SOX7: variants seen among roughly 807,000 people sequenced by gnomAD.
SOX7 encodes SRY-box transcription factor 7.
In SOX7, 19 loss-of-function variants were observed where a neutral mutation model predicts 24.9. The ratio of observed to expected loss-of-function variants is 0.76; its 90% CI spans 0.53 to 1.12. The LOEUF is 1.12. Among genes scored for constraint, SOX7 ranks in the 50% most tolerant of loss-of-function variants. The pLI, the probability that SOX7 is intolerant of heterozygous loss-of-function variation, is 0.00. For missense variants in SOX7, 702 were observed against 535.0 expected, an observed-to-expected ratio of 1.31 and a Z score of -3.08; for synonymous variants, 327 against 244.5, an observed-to-expected ratio of 1.34 and a Z score of -3.15.
rs768716869 is a variant in SOX7, at chr8:10,726,278, G to A, written c.627C>T (p.Pro209=). The part of the protein sequence containing the change: ...YGLPTPPEMS[P]LDVLEPEQTF... ...TCTGCTCCGGCTCCAGCACGTCCAG[G>A]GGAGACATTTCAGGAGGTGTGGGCA... The change falls in exon 2 of 2, where the codon CCC becomes CCT. Residue 209 remains proline (P), a synonymous_variant. Coordinates refer to ENST00000304501, the MANE Select transcript of SOX7 (RefSeq NM_031439.4). The A allele has an allele frequency of 6.2e-7, 1 of 1,613,882 alleles. No individual in the cohort carries two copies. The highest frequency in any genetic ancestry group is 1.1e-5 in the South Asian group (1 of 91,080).
At chr8:10,728,474 A>C (rs1460456735) in intron 1 of SOX7, among the ~76,000 whole-genome samples, 1 of 152,222 alleles carries the variant, frequency 6.6e-6, no homozygotes, top group African/African-American at 2.4e-5. Flanking sequence ...TAACAGGTGC[A>C]CAAGTCCATA....
chr8:10,730,410 G>A lies in SOX7; in HGVS notation c.24C>T (p.Tyr8=), dbSNP rs1800239382. Residue 8 remains tyrosine (Y), a synonymous_variant, in exon 1 of 2, where the codon TAC becomes TAT. Transcript: ENST00000304501. The surrounding 1 kb of genome is among the most constrained non-coding windows in gnomAD (Gnocchi z 4.8). MASLLGA[Y]PWPEGLECPA... is the part of the protein sequence containing the mutation. ...GGCACTCGAGACCCTCGGGCCAAGG[G>A]TAGGCTCCCAGCAGCGAAGCCATGG... 6.7e-7 allele frequency: 1 copy of A among 1,497,318 alleles called. No individual in the cohort carries two copies. Among genetic ancestry groups the A allele is most frequent in the East Asian group, 2.7e-5 (1 of 36,682 alleles). 92.8% of individuals were successfully genotyped at this position (1,497,318 alleles called of 1,614,324 possible).
Position 10,730,148 on chromosome 8 carries a change from C to A in SOX7, c.238+48G>T, listed in dbSNP as rs1008959720. 1.8e-5 allele frequency: 24 copies of A among 1,324,326 alleles called. No individual in the cohort carries two copies. Among genetic ancestry groups the A allele is most frequent in the Non-Finnish European group, 1.9e-5 (19 of 1,023,544 alleles). The allele number at this position is 1,324,326 out of a possible 1,614,324, so 82.0% of individuals were successfully genotyped here. A position where few individuals can be genotyped will look rare whatever the true frequency, so the allele number is the denominator to read the frequency against. On this transcript the variant is annotated intron_variant, in intron 1 of 1. Coordinates refer to ENST00000304501, the MANE Select transcript of SOX7 (RefSeq NM_031439.4). This position sits in a 1 kb window ranked among gnomAD's most constrained non-coding sequence, Gnocchi z 4.8. ...CCGCCCTGCAGTGCCGCCAGCCGCCCGCCGCCCGCCCCCGGCCCCCAGCCC... is the reference window on the plus strand; with the variant it reads ...CCGCCCTGCAGTGCCGCCAGCCGCCAGCCGCCCGCCCCCGGCCCCCAGCCC...
Position 10,729,163 on chromosome 8 carries a change from AG to A in SOX7, c.238+1032del, listed in dbSNP as rs1800211578. On this transcript the variant is annotated intron_variant, in intron 1 of 1. Coordinates refer to ENST00000304501, the MANE Select transcript of SOX7 (RefSeq NM_031439.4). Reference sequence around the variant, plus strand: ...GCCTGCGGCTTTAGCCAGCAGAAAGAGGGGCGTCAGTCCTATCCCCAAAGTT... The same window carrying A: ...GCCTGCGGCTTTAGCCAGCAGAAAGAGGGCGTCAGTCCTATCCCCAAAGTT... 2.0e-5 allele frequency among the ~76,000 whole-genome samples: 3 copies of A among 152,104 alleles called. No individual in the cohort carries two copies. In the South Asian group the frequency reaches 6.2e-4, roughly 32 times the overall value.
chr8:10,725,590 A>G lies in SOX7; in HGVS notation c.*148T>C, dbSNP rs1800128571. 3 of 774,598 alleles carry G rather than the reference A, an allele frequency of 3.9e-6. No individual in the cohort carries two copies. The highest frequency in any genetic ancestry group is 6.2e-6 in the Non-Finnish European group (3 of 481,744). 48.0% of individuals were successfully genotyped at this position (774,598 alleles called of 1,614,324 possible). On this transcript the variant is annotated 3_prime_UTR_variant, in exon 2 of 2. Coordinates refer to ENST00000304501, the MANE Select transcript of SOX7 (RefSeq NM_031439.4). ...GGCGGCACTCGGATAAGGAGAGTCC[A>G]GCTTAGGCCAAAGGCTCTGGGGCCG...
Position 10,730,327 on chromosome 8 carries a change from G to C in SOX7, c.107C>G (p.Pro36Arg). The C allele has an allele frequency of 1.9e-6, 3 of 1,566,046 alleles. No individual in the cohort carries two copies. Among genetic ancestry groups the C allele is most frequent in the East Asian group, 2.5e-5 (1 of 40,006 alleles). The change falls in exon 1 of 2, where the codon CCG (proline) becomes CGG (arginine). Residue 36 changes from proline (P) to arginine (R), a missense_variant. Physicochemically the swap from Pro to Arg is moderately radical, Grantham distance 103. Coordinates refer to ENST00000304501, the MANE Select transcript of SOX7 (RefSeq NM_031439.4). This position sits in a 1 kb window ranked among gnomAD's most constrained non-coding sequence, Gnocchi z 4.8. ...ACGGCTCTCGGAGCCCTTGTCCCCC[G>C]GGGGCCGGGGGACGGCCGGCGGCGA... is the stretch of plus-strand genomic sequence containing the variant. ...GQSPPAVPRP[P>R]GDKGSESRIR... is the part of the protein sequence containing the mutation.
In SOX7 at chr8:10,725,936, G is replaced by A; in HGVS notation, c.969C>T (p.Leu323=). ...ATTCATTGCGATCCATGTCCCCCAG[G>A]AGTTCCACCTGGCTCAGTTGATCCA... ...DALDQLSQVE[L]LGDMDRNEFD... The change falls in exon 2 of 2, where the codon CTC becomes CTT. Residue 323 remains leucine, a synonymous_variant. Transcript: ENST00000304501. 6.2e-7 allele frequency: 1 copy of A among 1,613,864 alleles called. No homozygotes were observed. The highest frequency in any genetic ancestry group is 8.5e-7 in the Non-Finnish European group (1 of 1,179,776).
rs374645556 is a variant in SOX7 at position 10,726,638 on chromosome 8, G to A, written c.267C>T (p.Ser89=). ...LGKSWKALTL[S]QKRPYVDEAE... is the part of the protein sequence containing the mutation. ...CCTCGTCCACGTACGGCCTCTTCTG[G>A]GACAGCGTCAGCGCCTTCCACGACT... Residue 89 remains serine, a synonymous_variant, in exon 2 of 2, where the codon TCC becomes TCT. Transcript: ENST00000304501. 8 of 1,591,086 alleles carry A rather than the reference G, an allele frequency of 5.0e-6. No individual in the cohort carries two copies. Among genetic ancestry groups the A allele is most frequent in the Non-Finnish European group, 6.8e-6 (8 of 1,172,170 alleles).
Position 10,724,842 on chromosome 8 carries a change from C to G in SOX7, c.*896G>C, listed in dbSNP as rs1285913546. 7 of 152,048 alleles carry G rather than the reference C, an allele frequency of 4.6e-5. No individual in the cohort carries two copies. The highest frequency in any genetic ancestry group is 4.6e-4 in the Admixed American group (7 of 15,276). The allele number at this position is 152,048 out of a possible 1,614,324, so 9.4% of individuals were successfully genotyped here. A position where few individuals can be genotyped will look rare whatever the true frequency, so the allele number is the denominator to read the frequency against. On this transcript the variant is annotated 3_prime_UTR_variant, in exon 2 of 2. Transcript: ENST00000304501. Reference sequence around the variant, plus strand: ...GGTTCAAGACATTCTCCTGCCTCAGCCTTCCAAGTAGCTGGGATTACAGGC... The same window carrying G: ...GGTTCAAGACATTCTCCTGCCTCAGGCTTCCAAGTAGCTGGGATTACAGGC...
chr8:10,724,720 C>CTTTTTTTTTT lies in SOX7; in HGVS notation c.*1008_*1017dup, dbSNP rs59167305. The CTTTTTTTTTT allele has an allele frequency of 7.2e-6, 1 of 138,746 alleles. No homozygotes were observed. The allele number at this position is 138,746 out of a possible 1,614,324, so 8.6% of individuals were successfully genotyped here. A position where few individuals can be genotyped will look rare whatever the true frequency, so the allele number is the denominator to read the frequency against. ...GGTATACATTCAGACTGTGCATATT[C>CTTTTTTTTTT]TTTTTTTTTTTTTTTTCTTGAAATG... On this transcript the variant is annotated 3_prime_UTR_variant, in exon 2 of 2. Coordinates refer to ENST00000304501, the MANE Select transcript of SOX7 (RefSeq NM_031439.4).
chr8:10,726,260 C>A lies in SOX7; in HGVS notation c.645G>T (p.Pro215=). ...PEMSPLDVLE[P]EQTFFSSPCQ... ...AGGGGGAGGAGAAGAAGGTCTGCTC[C>A]GGCTCCAGCACGTCCAGGGGAGACA... Residue 215 remains proline (P), a synonymous_variant, in exon 2 of 2, where the codon CCG becomes CCT. Coordinates refer to ENST00000304501, the MANE Select transcript of SOX7 (RefSeq NM_031439.4). The A allele has an allele frequency of 6.2e-7, 1 of 1,613,822 alleles. No homozygotes were observed. Among genetic ancestry groups the A allele is most frequent in the Non-Finnish European group, 8.5e-7 (1 of 1,179,956 alleles).
At position 10,730,326 on chromosome 8, in the gene SOX7, C is replaced by T; in HGVS notation, c.108G>A (p.Pro36=). The part of the protein sequence containing the change: ...GQSPPAVPRP[P]GDKGSESRIR... ...TACGGCTCTCGGAGCCCTTGTCCCC[C>T]GGGGGCCGGGGGACGGCCGGCGGCG... The change falls in exon 1 of 2, where the codon CCG becomes CCA. Residue 36 remains proline, a synonymous_variant. Coordinates refer to ENST00000304501, the MANE Select transcript of SOX7 (RefSeq NM_031439.4). This position sits in a 1 kb window ranked among gnomAD's most constrained non-coding sequence, Gnocchi z 4.8. The T allele has an allele frequency of 6.4e-7, 1 of 1,567,908 alleles. No individual in the cohort carries two copies. The highest frequency in any genetic ancestry group is 1.4e-5 in the African/African-American group (1 of 70,572).
Position 10,726,617 on chromosome 8 carries a change from G to A in SOX7, c.288C>T (p.Asp96=), listed in dbSNP as rs749823760. ...LTLSQKRPYV[D]EAERLRLQHM... is the part of the protein sequence containing the mutation. ...GCTGCAGGCGCAGCCGCTCCGCCTC[G>A]TCCACGTACGGCCTCTTCTGGGACA... The change falls in exon 2 of 2, where the codon GAC becomes GAT. Residue 96 remains aspartate, a synonymous_variant. Coordinates refer to ENST00000304501, the MANE Select transcript of SOX7 (RefSeq NM_031439.4). 1.2e-6 allele frequency: 2 copies of A among 1,604,246 alleles called. No individual in the cohort carries two copies. Among genetic ancestry groups the A allele is most frequent in the Non-Finnish European group, 1.7e-6 (2 of 1,178,392 alleles).
At position 10,726,572 on chromosome 8, in the gene SOX7, G is replaced by T. The variant is rs760872046; in HGVS notation, c.333C>A (p.Asn111Lys). Residue 111 changes from asparagine (N) to lysine (K), a missense_variant, in exon 2 of 2, where the codon AAC becomes AAA. By Grantham distance (94) the Asn-to-Lys change is moderately conservative. Coordinates refer to ENST00000304501, the MANE Select transcript of SOX7 (RefSeq NM_031439.4). ...TCTTCCTGCGCGGCCGGTACTTGTAGTTGGGGTAGTCCTGCATGTGCTGCA... is the reference window on the plus strand; with the variant it reads ...TCTTCCTGCGCGGCCGGTACTTGTATTTGGGGTAGTCCTGCATGTGCTGCA... Reference protein sequence around the residue: ...LRLQHMQDYPNYKYRPRRKKQ... With the variant: ...LRLQHMQDYPKYKYRPRRKKQ... 6 of 1,611,524 alleles carry T rather than the reference G, an allele frequency of 3.7e-6. No individual in the cohort carries two copies. In the South Asian group the frequency reaches 6.6e-5, roughly 18 times the overall value.
Position 10,725,860 on chromosome 8 carries a change from T to C in SOX7, c.1045A>G (p.Met349Val). 1.2e-6 allele frequency: 2 copies of C among 1,614,208 alleles called. No homozygotes were observed. Among genetic ancestry groups the C allele is most frequent in the South Asian group, 1.1e-5 (1 of 91,088 alleles). Residue 349 changes from methionine (M) to valine (V), a missense_variant, in exon 2 of 2, where the codon ATG becomes GTG. Met to Val is a conservative substitution (Grantham distance 21, BLOSUM62 1). Coordinates refer to ENST00000304501, the MANE Select transcript of SOX7 (RefSeq NM_031439.4). The stretch of plus-strand genomic sequence containing the variant: ...ACCGGAACATGCCCACTGAGGGCCA[T>C]GGCCCCTGTGGCGGAGTCTGGGTGG... ...PGHPDSATGA[M>V]ALSGHVPVSQ...
Position 10,725,551 on chromosome 8 carries a change from G to A in SOX7, c.*187C>T, listed in dbSNP as rs1800127763. 1.6e-6 allele frequency: 1 copy of A among 615,480 alleles called. No individual in the cohort carries two copies. Among genetic ancestry groups the A allele is most frequent in the Non-Finnish European group, 2.8e-6 (1 of 351,066 alleles). 38.1% of individuals were successfully genotyped at this position (615,480 alleles called of 1,614,324 possible). A position where few individuals can be genotyped will look rare whatever the true frequency, so the allele number is the denominator to read the frequency against. On this transcript the variant is annotated 3_prime_UTR_variant, in exon 2 of 2. Coordinates refer to ENST00000304501, the MANE Select transcript of SOX7 (RefSeq NM_031439.4). ...TGTGGGCTGCAGGGGCTGGAACGTG[G>A]GGAAGGGGATAGAGGCGGCACTCGG...
rs374468712 is a variant in SOX7 at position 10,726,194 on chromosome 8, C to A, written c.711G>T (p.Leu237=). The A allele has an allele frequency of 2.6e-5, 42 of 1,612,080 alleles. No homozygotes were observed. Among genetic ancestry groups the A allele is most frequent in the Non-Finnish European group, 3.4e-5 (40 of 1,179,190 alleles). The change falls in exon 2 of 2, where the codon CTG becomes CTT. Residue 237 remains leucine, a synonymous_variant. Coordinates refer to ENST00000304501, the MANE Select transcript of SOX7 (RefSeq NM_031439.4). ...EHGHPRRIPH[L]PGHPYSPEYA... is the part of the protein sequence containing the mutation. ...ACTCCGGTGAGTACGGGTGCCCTGG[C>A]AGGTGGGGGATGCGGCGGGGATGGC...
chr8:10,728,559 T>G (rs901757668), intron 1 of SOX7, among the ~76,000 whole-genome samples: 2 of 152,204 alleles, frequency 1.3e-5, no homozygotes, highest in Non-Finnish European at 2.9e-5. Context: ...AAGGAATCTG[T>G]GTCTTTTCTG....
chr8:10,725,597 G>C lies in SOX7; in HGVS notation c.*141C>G. On this transcript the variant is annotated 3_prime_UTR_variant, in exon 2 of 2. Transcript: ENST00000304501. ...CTCGGATAAGGAGAGTCCAGCTTAG[G>C]CCAAAGGCTCTGGGGCCGCAGTTCA... 1 of 849,158 alleles carries C rather than the reference G, an allele frequency of 1.2e-6. No homozygotes were observed. Among genetic ancestry groups the C allele is most frequent in the Non-Finnish European group, 1.8e-6 (1 of 544,888 alleles). The allele number at this position is 849,158 out of a possible 1,614,324, so 52.6% of individuals were successfully genotyped here. A position where few individuals can be genotyped will look rare whatever the true frequency, so the allele number is the denominator to read the frequency against.
Sources: allele counts gnomAD v4.1 joint callset (sites outside exome capture counted in the v4.1 genomes callset), GRCh38; gene constraint gnomAD v4.1.1; non-coding constraint Gnocchi (gnomAD v3.1); transcripts MANE v1.5; gene names NCBI Gene and HGNC (gene_info 2026-07-23, HGNC 2026-07-21).